The following SFMBT2 variants were observed in gnomAD, a reference collection of about 807,000 sequenced individuals.
The protein encoded by SFMBT2 is Scm like with four mbt domains 2, also known as scm-like with four MBT domains protein 2.
A neutral mutation model predicts 110.1 loss-of-function variants in SFMBT2; 38 were observed. That is an observed-to-expected ratio of 0.35 (90% CI 0.27 to 0.45). The LOEUF (loss-of-function observed/expected upper bound fraction) is 0.45. SFMBT2 is among the 20% of genes least tolerant of loss of function. The pLI, the probability that SFMBT2 is intolerant of heterozygous loss-of-function variation, is 1.00. For synonymous variants in SFMBT2, 425 were observed against 425.4 expected, an observed-to-expected ratio of 1.00 and a Z score of 0.01; for missense variants, 1,011 against 1,094.9, an observed-to-expected ratio of 0.92 and a Z score of 1.08.
intron 10 of SFMBT2, among the ~76,000 whole-genome samples, chr10:7,226,339 C>A (rs994110800): frequency 2.0e-5 from 3 of 152,258 alleles, no homozygotes; most frequent in African/African-American, 7.2e-5. Context: ...CTGACCCAGT[C>A]ATCAACCTAC....
intron 4 of SFMBT2, among the ~76,000 whole-genome samples, chr10:7,356,518 C>T (rs1441033945): frequency 6.6e-6 from 1 of 152,208 alleles, no homozygotes; most frequent in Non-Finnish European, 1.5e-5. Context: ...CGGGTTCAAG[C>T]AACTCTCCTG....
chr10:7,165,502 T>A (rs142718326), intron 20 of SFMBT2, among the ~76,000 whole-genome samples: 1,597 of 152,380 alleles, frequency 0.01, 11 homozygotes, highest in Non-Finnish European at 0.017. Context: ...TAATTTATCT[T>A]CAGATCAGAT....
chr10:7,248,446 A>G, intron 8 of SFMBT2, 102 bp downstream of exon 8: 1 of 957,800 alleles, frequency 1.0e-6, no homozygotes, highest in South Asian at 1.5e-5. Flanking sequence ...GGCATTGCTG[A>G]TAGCCTTGCA....
At chr10:7,308,611 A>G (rs2131896377) in intron 4 of SFMBT2, among the ~76,000 whole-genome samples, 1 of 152,268 alleles carries the variant, frequency 6.6e-6, no homozygotes, top group East Asian at 1.9e-4. Context: ...TCACCAACAG[A>G]AAGAATGTAA....
At chr10:7,219,443 A>G (rs527997879) in intron 11 of SFMBT2, among the ~76,000 whole-genome samples, 1 of 152,360 alleles carries the variant, frequency 6.6e-6, no homozygotes, top group African/African-American at 2.4e-5. Context: ...ACATTTCCCA[A>G]TCCCCTGGAC....
At chr10:7,347,278 G>A (rs1205152202) in intron 4 of SFMBT2, among the ~76,000 whole-genome samples, 1 of 152,166 alleles carries the variant, frequency 6.6e-6, no homozygotes, top group South Asian at 2.1e-4. Flanking sequence ...TTCTTGCTGG[G>A]CAACCTGGAG....
intron 1 of SFMBT2, among the ~76,000 whole-genome samples, chr10:7,404,755 T>C (rs1564478306): frequency 6.6e-6 from 1 of 152,222 alleles, no homozygotes; most frequent in Admixed American, 6.5e-5. Context: ...TAACCATCAG[T>C]GCATATTGAC....
intron 4 of SFMBT2, 142 bp from the exon 5 acceptor site, chr10:7,286,096 C>G (rs990512687): frequency 1.6e-6 from 1 of 613,088 alleles, no homozygotes; most frequent in Non-Finnish European, 2.9e-6. Flanking sequence ...CTTTCATCAC[C>G]ATGCTTAAGT....
intron 1 of SFMBT2, among the ~76,000 whole-genome samples, chr10:7,384,605 G>A (rs990394420): frequency 6.6e-6 from 1 of 152,098 alleles, no homozygotes; most frequent in African/African-American, 2.4e-5. Flanking sequence ...AGCTTAGCTG[G>A]AATCGACACT....
intron 1 of SFMBT2, among the ~76,000 whole-genome samples, chr10:7,382,675 C>T (rs1845459087): frequency 6.6e-6 from 1 of 152,146 alleles, no homozygotes; most frequent in Non-Finnish European, 1.5e-5. Flanking sequence ...GCAGGTACTG[C>T]AACACGCAGT....
At chr10:7,177,961 C>T (rs996329711) in intron 16 of SFMBT2, among the ~76,000 whole-genome samples, 2 of 152,156 alleles carry the variant, frequency 1.3e-5, no homozygotes, top group African/African-American at 2.4e-5. Flanking sequence ...GGTGGCCATC[C>T]ACAAGCCAAA....
intron 4 of SFMBT2, among the ~76,000 whole-genome samples, chr10:7,357,191 G>A (rs490818): frequency 0.073 from 11,042 of 152,114 alleles, 539 homozygotes; most frequent in Non-Finnish European, 0.11. Context: ...GCAAGTGGGC[G>A]ATTCAGCTCT....
chr10:7,284,964 T>C (rs1355346884), intron 5 of SFMBT2: 2 of 152,202 alleles, frequency 1.3e-5, no homozygotes, highest in Non-Finnish European at 2.9e-5. Flanking sequence ...TAATGATATA[T>C]AACAAATACA....
chr10:7,400,531 G>A (rs1846049226), intron 1 of SFMBT2, among the ~76,000 whole-genome samples: 1 of 152,208 alleles, frequency 6.6e-6, no homozygotes, highest in Non-Finnish European at 1.5e-5. Flanking sequence ...CTTCTATGAA[G>A]TTGATGGCAT....
rs1251850601 is a variant in SFMBT2, at chr10:7,367,694, C to T, written c.391G>A (p.Val131Met). 7 of 1,613,882 alleles carry T rather than the reference C, an allele frequency of 4.3e-6. No individual in the cohort carries two copies. Among genetic ancestry groups the T allele is most frequent in the South Asian group, 2.2e-5 (2 of 91,072 alleles). Residue 131 changes from valine to methionine, a missense_variant, in exon 4 of 21, where the codon GTG becomes ATG. By Grantham distance (21) the Val-to-Met change is conservative. Around this residue, in one of 2 missense-constraint regions of SFMBT2, gnomAD observed 979 missense variants for 1,016.1 expected, o/e 0.96. Transcript: ENST00000397167. This position sits in a 1 kb window ranked among gnomAD's most constrained non-coding sequence, Gnocchi z 6.2. ...TTGTTGTTCTGTGTGCACCACCCCA[C>T]GGGGTGCAAATCCGCGATGACTACG... ...CDVVIADLHP[V>M]GWCTQNNKVL... is the part of the protein sequence containing the mutation.
Position 7,172,134 on chromosome 10 carries a change from C to G in SFMBT2, c.2176G>C (p.Ala726Pro), listed in dbSNP as rs765960968. ...TCACTGGCGGTGTCATCGTCCATGG[C>G]GTCAGCGTCCTCCTCTTCACTTTCC... Reference protein sequence around the residue: ...GEESEEEDADAMDDDTASEET... With the variant: ...GEESEEEDADPMDDDTASEET... Residue 726 changes from alanine (A) to proline (P), a missense_variant, in exon 19 of 21, where the codon GCC becomes CCC. Coordinates refer to ENST00000397167, the MANE Select transcript of SFMBT2 (RefSeq NM_001387889.1). This position sits in a 1 kb window ranked among gnomAD's most constrained non-coding sequence, Gnocchi z 4.6. The G allele has an allele frequency of 6.4e-7, 1 of 1,568,510 alleles. No homozygotes were observed. The highest frequency in any genetic ancestry group is 8.7e-7 in the Non-Finnish European group (1 of 1,155,878).
At chr10:7,352,618 A>G (rs1844360711) in intron 4 of SFMBT2, among the ~76,000 whole-genome samples, 1 of 152,174 alleles carries the variant, frequency 6.6e-6, no homozygotes, top group Admixed American at 6.5e-5. Context: ...CATATTCCCC[A>G]TGCCTCCAGA....
chr10:7,175,971 T>C lies in SFMBT2; in HGVS notation c.1984+19A>G. On this transcript the variant is annotated intron_variant, in intron 17 of 20. Coordinates refer to ENST00000397167, the MANE Select transcript of SFMBT2 (RefSeq NM_001387889.1). ...GGTCTCTGGGCTCATGCATTTCTTT[T>C]TTCATTATTTGTACTTACTGTATTT... The C allele has an allele frequency of 6.3e-7, 1 of 1,599,260 alleles. No homozygotes were observed. The highest frequency in any genetic ancestry group is 8.6e-7 in the Non-Finnish European group (1 of 1,169,018).
In SFMBT2 at chr10:7,162,457, C is replaced by A. The variant is rs1273043305; in HGVS notation, c.*1313G>T. On this transcript the variant is annotated 3_prime_UTR_variant, in exon 21 of 21. Transcript: ENST00000397167. Reference sequence around the variant, plus strand: ...GTTTGTTCTCAGCGAAACCAGGGTGCCAAGTGGCTGACTCCAGATTCACTG... The same window carrying A: ...GTTTGTTCTCAGCGAAACCAGGGTGACAAGTGGCTGACTCCAGATTCACTG... 6.6e-6 allele frequency: 1 copy of A among 152,314 alleles called. No homozygotes were observed. Among genetic ancestry groups the A allele is most frequent in the Non-Finnish European group, 1.5e-5 (1 of 68,110 alleles). The allele number at this position is 152,314 out of a possible 1,614,324, so 9.4% of individuals were successfully genotyped here. A position where few individuals can be genotyped will look rare whatever the true frequency, so the allele number is the denominator to read the frequency against.
Sources: allele counts gnomAD v4.1 joint callset (sites outside exome capture counted in the v4.1 genomes callset), GRCh38; gene constraint gnomAD v4.1.1; regional missense constraint gnomAD v4.1.1; non-coding constraint Gnocchi (gnomAD v3.1); transcripts MANE v1.5; gene names NCBI Gene and HGNC (gene_info 2026-07-23, HGNC 2026-07-21).